Variants in HADHA observed in about 807,000 individuals in gnomAD.
HADHA encodes trifunctional enzyme subunit alpha, mitochondrial.
A neutral mutation model predicts 91.3 loss-of-function variants in HADHA; 59 were observed. The ratio of observed to expected loss-of-function variants is 0.65; its 90% CI spans 0.52 to 0.80. The LOEUF (loss-of-function observed/expected upper bound fraction) is 0.80, where lower values mean the gene tolerates loss of function less well. Ranked by LOEUF, HADHA falls within the 30% of genes least tolerant of loss-of-function variation. The probability of loss-of-function intolerance (pLI) is 0.00; values close to 1 mark genes in which losing one functional copy is unlikely to be tolerated. For missense variants in HADHA, 800 were observed against 927.6 expected (o/e 0.86, Z 1.79); for synonymous variants, 320 against 338.9 (o/e 0.94, Z 0.61).
intron 7 of HADHA, among the ~76,000 whole-genome samples, chr2:26,223,859 G>A (rs1453732781): frequency 6.6e-6 from 1 of 152,118 alleles, no homozygotes; most frequent in Non-Finnish European, 1.5e-5. Flanking sequence ...TGATTCTCCT[G>A]CCTCAGCCTC....
chr2:26,229,649 T>A lies in HADHA; in HGVS notation c.676+543A>T, dbSNP rs1182809057. ...ATACAGGTAATTTAAGAACCAAAAA[T>A]AATGACTTGACTGAATTCTGTACTC... On this transcript the variant is annotated intron_variant, in intron 7 of 19. Coordinates refer to ENST00000380649, the MANE Select transcript of HADHA (RefSeq NM_000182.5). The surrounding 1 kb of genome is among the most constrained non-coding windows in gnomAD (Gnocchi z 4.3). Among the ~76,000 whole-genome samples the A allele has an allele frequency of 6.6e-6, 1 of 152,162 alleles. No homozygotes were observed. The highest frequency in any genetic ancestry group is 2.1e-4 in the South Asian group (1 of 4,826).
In HADHA at chr2:26,215,194, CACTGGAAT is replaced by C; in HGVS notation, c.677-27_677-20del. 1 of 1,611,676 alleles carries C rather than the reference CACTGGAAT, an allele frequency of 6.2e-7. No homozygotes were observed. The highest frequency in any genetic ancestry group is 8.5e-7 in the Non-Finnish European group (1 of 1,178,214). Reference sequence around the variant, plus strand: ...CCTGGTCCTATAAAAATGAATGCAACACTGGAATGCAAATCAGGCTTAGACCAGTCCCA... The same window carrying C: ...CCTGGTCCTATAAAAATGAATGCAACGCAAATCAGGCTTAGACCAGTCCCA... On this transcript the variant is annotated intron_variant, in intron 7 of 19. Transcript: ENST00000380649.
intron 14 of HADHA, among the ~76,000 whole-genome samples, chr2:26,196,201 A>G (rs937889722): frequency 6.6e-6 from 1 of 152,208 alleles, no homozygotes; most frequent in African/African-American, 2.4e-5. Flanking sequence ...CAGTCAGCAT[A>G]TGACGGGGTG....
chr2:26,216,328 T>TC (rs1287660569), intron 7 of HADHA, among the ~76,000 whole-genome samples: 1 of 148,364 alleles, frequency 6.7e-6, no homozygotes, highest in Non-Finnish European at 1.5e-5. Context: ...TTTTTTTTTT[T>TC]TTTTTTTTTT....
At chr2:26,224,532 C>G (rs184295703) in intron 7 of HADHA, among the ~76,000 whole-genome samples, 16 of 152,164 alleles carry the variant, frequency 1.1e-4, no homozygotes, top group African/African-American at 3.9e-4. Context: ...AAGATGTATC[C>G]ATAATGGTTA....
intron 7 of HADHA, among the ~76,000 whole-genome samples, chr2:26,226,880 T>TAG (rs774468991): frequency 1.3e-5 from 2 of 152,162 alleles, no homozygotes; most frequent in Admixed American, 6.5e-5. Flanking sequence ...CAGGAAAACT[T>TAG]AGTGATCTTG....
chr2:26,200,878 G>A (rs1346902394), intron 13 of HADHA, among the ~76,000 whole-genome samples: 1 of 152,066 alleles, frequency 6.6e-6, no homozygotes, highest in Non-Finnish European at 1.5e-5. Context: ...GACTACAGGT[G>A]TGTGCCACCA....
At chr2:26,231,181 C>T (rs1285955038) in intron 6 of HADHA, among the ~76,000 whole-genome samples, 4 of 152,040 alleles carry the variant, frequency 2.6e-5, no homozygotes, top group Non-Finnish European at 4.4e-5. Context: ...TTCAATAAAT[C>T]CTTATGACAT....
chr2:26,238,949 G>C lies in HADHA; in HGVS notation c.165C>G (p.Asn55Lys). 1 of 1,603,112 alleles carries C rather than the reference G, an allele frequency of 6.2e-7. No homozygotes were observed. Among genetic ancestry groups the C allele is most frequent in the Non-Finnish European group, 8.5e-7 (1 of 1,171,196 alleles). ...VKGDVAVVRINSPNSKVNTLS... is the reference protein window; with the variant it reads ...VKGDVAVVRIKSPNSKVNTLS... ...AATGAGATACCTTTGAATTGGGAGA[G>C]TTAATTCGAACAACTGCCACATCCC... The change falls in exon 3 of 20, where the codon AAC (asparagine) becomes AAG (lysine). Residue 55 changes from asparagine (N) to lysine (K), a missense_variant. Coordinates refer to ENST00000380649, the MANE Select transcript of HADHA (RefSeq NM_000182.5).
At chr2:26,238,797 T>G (rs1290045736) in intron 3 of HADHA, 137 bp downstream of exon 3, 2 of 718,394 alleles carry the variant, frequency 2.8e-6, no homozygotes, top group East Asian at 5.2e-5. Context: ...AAGTTTAACA[T>G]AACTGTCAAA....
chr2:26,222,954 T>C (rs1413510603), intron 7 of HADHA, among the ~76,000 whole-genome samples: 2 of 152,172 alleles, frequency 1.3e-5, no homozygotes, highest in East Asian at 1.9e-4. Context: ...GTGCTACTTT[T>C]CCCACAGCCA....
chr2:26,195,985 T>C (rs898344111), intron 14 of HADHA, among the ~76,000 whole-genome samples: 1 of 152,226 alleles, frequency 6.6e-6, no homozygotes, highest in Admixed American at 6.5e-5. Flanking sequence ...GTCTAATTCA[T>C]TAATTTATAG....
intron 8 of HADHA, 34 bp downstream of exon 8, chr2:26,215,019 A>T: frequency 6.4e-7 from 1 of 1,571,146 alleles, no homozygotes; most frequent in East Asian, 2.2e-5. Flanking sequence ...TCAGGAAAGA[A>T]GCTTTGCCTT....
intron 11 of HADHA, among the ~76,000 whole-genome samples, chr2:26,206,631 A>C (rs1669978142): frequency 6.6e-6 from 1 of 152,178 alleles, no homozygotes; most frequent in South Asian, 2.1e-4. Flanking sequence ...TGGTTTTGTT[A>C]AAACCAAGAA....
At chr2:26,244,425 C>A in intron 1 of HADHA, 105 bp downstream of exon 1, 1 of 1,180,810 alleles carries the variant, frequency 8.5e-7, no homozygotes, top group Non-Finnish European at 1.2e-6. Context: ...GCTGCGTCTC[C>A]GGGCTGGGGC....
In HADHA at chr2:26,228,807, G is replaced by A. The variant is rs142571673; in HGVS notation, c.676+1385C>T. Reference sequence around the variant, plus strand: ...CTGTCTCAGCCTCCTGACTAGCTGGGACTACAGGTATACACTATGATACCC... The same window carrying A: ...CTGTCTCAGCCTCCTGACTAGCTGGAACTACAGGTATACACTATGATACCC... On this transcript the variant is annotated intron_variant, in intron 7 of 19. Coordinates refer to ENST00000380649, the MANE Select transcript of HADHA (RefSeq NM_000182.5). Among the ~76,000 whole-genome samples the A allele has an allele frequency of 7.4e-3, 1,132 of 152,000 alleles. 8 individuals carry two copies. Among genetic ancestry groups the A allele is most frequent in the African/African-American group, 0.026 (1,068 of 41,450 alleles).
rs1670559863 is a variant in HADHA at position 26,229,346 on chromosome 2, GCGCA to G, written c.676+842_676+845del. Among the ~76,000 whole-genome samples, 1 of 36,738 alleles carries G rather than the reference GCGCA, an allele frequency of 2.7e-5. No homozygotes were observed. The highest frequency in any genetic ancestry group is 5.6e-5 in the Non-Finnish European group (1 of 18,012). 24.1% of individuals were successfully genotyped at this position (36,738 alleles called of 152,430 possible). On this transcript the variant is annotated intron_variant, in intron 7 of 19. Transcript: ENST00000380649. The surrounding 1 kb of genome is among the most constrained non-coding windows in gnomAD (Gnocchi z 4.3). ...GAGTGAGACCCCAACATGTGTGCGC[GCGCA>G]CACACACACACACACACACACACAA... is the stretch of plus-strand genomic sequence containing the variant.
chr2:26,193,677 T>A lies in HADHA; in HGVS notation c.1785A>T (p.Val595=), dbSNP rs2147752107. The A allele has an allele frequency of 1.2e-6, 2 of 1,614,058 alleles. No homozygotes were observed. The highest frequency in any genetic ancestry group is 1.7e-6 in the Non-Finnish European group (2 of 1,179,932). The change falls in exon 17 of 20, where the codon GTA becomes GTT. Residue 595 remains valine, a synonymous_variant. Transcript: ENST00000380649. ...ATLVDEVGVD[V]AKHVAEDLGK... ...CCAGATCTTCCGCCACATGTTTCGC[T>A]ACATCCACACCAACTTCATCCACCA...
In HADHA at chr2:26,214,486, T is replaced by G. The variant is rs773245672; in HGVS notation, c.875A>C (p.Lys292Thr). 1.9e-6 allele frequency: 3 copies of G among 1,604,792 alleles called. No homozygotes were observed. The highest frequency in any genetic ancestry group is 1.7e-6 in the Non-Finnish European group (2 of 1,172,780). Residue 292 changes from lysine to threonine, a missense_variant, in exon 9 of 20, where the codon AAG becomes ACG. Lys to Thr is a moderately conservative substitution (Grantham distance 78). Transcript: ENST00000380649. The surrounding 1 kb of genome is among the most constrained non-coding windows in gnomAD (Gnocchi z 4.1). ...VYKKVEEKVR[K>T]QTKGLYPAPL... Reference sequence around the variant, plus strand: ...TGCAGGATAAAGGCCTTTAGTCTGCTTTCGCACTTTTTCTTCCACTTTTTT... The same window carrying G: ...TGCAGGATAAAGGCCTTTAGTCTGCGTTCGCACTTTTTCTTCCACTTTTTT...
Sources: gnomAD v4.1 joint callset for allele counts (sites outside exome capture counted in the v4.1 genomes callset) on GRCh38, gnomAD v4.1.1 for gene constraint, Gnocchi (gnomAD v3.1) non-coding constraint, MANE v1.5 for transcripts, NCBI Gene and HGNC (gene_info 2026-07-23, HGNC 2026-07-21) for gene names.